Variants in MAD1L1 observed in about 807,000 individuals in gnomAD.
MAD1L1 encodes the protein mitotic spindle assembly checkpoint protein MAD1.
A neutral mutation model predicts 96.9 loss-of-function variants in MAD1L1; 95 were observed. That is an observed-to-expected ratio of 0.98 (90% confidence interval 0.83 to 1.16). The LOEUF is 1.16. Ranked by LOEUF, MAD1L1 falls within the 50% of genes most tolerant of loss-of-function variation. MAD1L1 has a pLI of 0.00. For missense variants in MAD1L1, 1,007 were observed against 954.4 expected, an observed-to-expected ratio of 1.06 and a Z score of -0.73; for synonymous variants, 473 against 396.6, an observed-to-expected ratio of 1.19 and a Z score of -2.29.
intron 16 of MAD1L1, among the ~76,000 whole-genome samples, chr7:1,953,008 G>C (rs1779570331): frequency 6.6e-6 from 1 of 152,206 alleles, no homozygotes; most frequent in Admixed American, 6.5e-5. Context: ...GGGCAGCTGT[G>C]GCTCCAGGAG....
intron 5 of MAD1L1, chr7:2,221,091 C>T: frequency 6.6e-7 from 1 of 1,511,848 alleles, no homozygotes; most frequent in Middle Eastern, 1.8e-4. Flanking sequence ...GCCACCTCGG[C>T]TTAGACATGA....
chr7:2,064,584 G>T (rs1173565361), intron 12 of MAD1L1, among the ~76,000 whole-genome samples: 1 of 152,170 alleles, frequency 6.6e-6, no homozygotes, highest in African/African-American at 2.4e-5. Flanking sequence ...TAGGAGGACA[G>T]TGGCTTCTCC....
chr7:1,873,552 C>A lies in MAD1L1; in HGVS notation c.1998+24648G>T, dbSNP rs369715992. ...ACGGGCAAAGCACCTGGGCTCTCTACGGATGGGGGCCAAGGGGCTCTTCTG... is the reference window on the plus strand; with the variant it reads ...ACGGGCAAAGCACCTGGGCTCTCTAAGGATGGGGGCCAAGGGGCTCTTCTG... On this transcript the variant is annotated intron_variant, in intron 18 of 18. Transcript: ENST00000265854. Among the ~76,000 whole-genome samples, 6 of 143,622 alleles carry A rather than the reference C, an allele frequency of 4.2e-5. No individual in the cohort carries two copies. In the East Asian group the frequency reaches 8.1e-4, roughly 19 times the overall value. 94.2% of individuals were successfully genotyped at this position (143,622 alleles called of 152,430 possible).
intron 12 of MAD1L1, among the ~76,000 whole-genome samples, chr7:2,031,993 A>T (rs988836508): frequency 6.6e-6 from 1 of 152,224 alleles, no homozygotes; most frequent in African/African-American, 2.4e-5. Flanking sequence ...GGTCTTCTAC[A>T]GTTCAAAAAT....
At chr7:1,823,213 T>TA (rs1158353042) in intron 18 of MAD1L1, among the ~76,000 whole-genome samples, 1 of 151,832 alleles carries the variant, frequency 6.6e-6, no homozygotes, top group Admixed American at 6.6e-5. Context: ...CACACTTAGT[T>TA]AAAAAAAAAT....
intron 12 of MAD1L1, among the ~76,000 whole-genome samples, chr7:2,043,471 G>T (rs1047553338): frequency 6.6e-6 from 1 of 152,154 alleles, no homozygotes; most frequent in Non-Finnish European, 1.5e-5. Flanking sequence ...ACAATCCCAC[G>T]CTCCTTAGGA....
At chr7:2,042,987 G>A (rs944319572) in intron 12 of MAD1L1, among the ~76,000 whole-genome samples, 13 of 152,136 alleles carry the variant, frequency 8.5e-5, no homozygotes, top group Non-Finnish European at 1.9e-4. Flanking sequence ...GAAGCTGAAA[G>A]TCACCTTCGC....
chr7:2,021,490 C>T (rs1241927304), intron 12 of MAD1L1, among the ~76,000 whole-genome samples: 1 of 152,194 alleles, frequency 6.6e-6, no homozygotes, highest in Non-Finnish European at 1.5e-5. Context: ...CAGCGGGGCA[C>T]ACTGGCTCAC....
chr7:1,854,476 T>C (rs1265330607), intron 18 of MAD1L1: 2 of 421,080 alleles, frequency 4.7e-6, no homozygotes, highest in Non-Finnish European at 9.5e-6. Flanking sequence ...ACAGGCAGAC[T>C]TGGTGTTTGG....
chr7:2,225,336 C>T (rs952053599), intron 4 of MAD1L1, 74 bp downstream of exon 4: 2 of 1,536,080 alleles, frequency 1.3e-6, no homozygotes, highest in African/African-American at 2.7e-5. Context: ...TTTCTTATAA[C>T]CTGGCAGGTA....
chr7:1,897,174 T>A (rs1786930919), intron 18 of MAD1L1, among the ~76,000 whole-genome samples: 1 of 152,238 alleles, frequency 6.6e-6, no homozygotes, highest in Non-Finnish European at 1.5e-5. Context: ...TAAGGCTGAA[T>A]CAGACAGGCA....
At chr7:2,153,279 ACTCT>A (rs1789669001) in intron 10 of MAD1L1, among the ~76,000 whole-genome samples, 1 of 152,114 alleles carries the variant, frequency 6.6e-6, no homozygotes, top group Non-Finnish European at 1.5e-5. Context: ...ATATCTGTCA[ACTCT>A]TCGGCCAATA....
intron 10 of MAD1L1, among the ~76,000 whole-genome samples, chr7:2,206,100 C>A (rs941762067): frequency 3.3e-5 from 5 of 152,134 alleles, no homozygotes; most frequent in African/African-American, 1.2e-4. Context: ...CCACTATACT[C>A]CAGCCTGGGC....
chr7:1,887,970 T>C (rs911657232), intron 18 of MAD1L1, among the ~76,000 whole-genome samples: 8 of 75,626 alleles, frequency 1.1e-4, no homozygotes, highest in African/African-American at 2.0e-4. Flanking sequence ...TGGCTGCCTA[T>C]GCATGTGTGT....
At chr7:2,218,451 C>T (rs2114999919) in intron 6 of MAD1L1, among the ~76,000 whole-genome samples, 1 of 152,356 alleles carries the variant, frequency 6.6e-6, no homozygotes, top group Middle Eastern at 3.4e-3. Flanking sequence ...CCTAAAACCA[C>T]ATCTGCTGAT....
chr7:1,852,971 G>C (rs528537911), intron 18 of MAD1L1, among the ~76,000 whole-genome samples: 1 of 152,228 alleles, frequency 6.6e-6, no homozygotes, highest in Admixed American at 6.5e-5. Flanking sequence ...ACCAAGCACT[G>C]AGCACATGCC....
chr7:2,071,492 C>T (rs774358580), intron 11 of MAD1L1, among the ~76,000 whole-genome samples: 31 of 152,226 alleles, frequency 2.0e-4, no homozygotes, highest in Admixed American at 9.2e-4. Context: ...CTAAAACCCT[C>T]GGGCTTTCCC....
chr7:1,948,032 G>C (rs1168323746), intron 16 of MAD1L1, among the ~76,000 whole-genome samples: 1 of 152,182 alleles, frequency 6.6e-6, no homozygotes, highest in Non-Finnish European at 1.5e-5. Context: ...GGGAGGATGA[G>C]AACTGGATGG....
At chr7:1,871,822 A>T (rs11982455) in intron 18 of MAD1L1, among the ~76,000 whole-genome samples, 6,597 of 152,052 alleles carry the variant, frequency 0.043, 259 homozygotes, top group African/African-American at 0.1. Flanking sequence ...GCTTCCCCGG[A>T]GGGCCAGCAG....
Sources: gnomAD v4.1 joint callset for allele counts (sites outside exome capture counted in the v4.1 genomes callset) on GRCh38, gnomAD v4.1.1 for gene constraint, MANE v1.5 for transcripts, NCBI Gene and HGNC (gene_info 2026-07-23, HGNC 2026-07-21) for gene names.